ADGRE3: variants seen among roughly 807,000 people sequenced by gnomAD.
ADGRE3 encodes the protein EGF-like module receptor 3.
ADGRE3 carries 88 observed loss-of-function variants against 80.1 expected under a neutral mutation model. The observed-to-expected ratio is 1.10, with a 90% CI of 0.93 to 1.31. ADGRE3 has a LOEUF of 1.31. ADGRE3 is among the 40% of genes most tolerant of loss of function. ADGRE3 has a pLI of 0.00. For missense variants in ADGRE3, 715 were observed against 776.5 expected (o/e 0.92, Z 0.94); for synonymous variants, 281 against 294.8 (o/e 0.95, Z 0.48).
At chr19:14,624,383 T>A (rs1314372946) in intron 15 of ADGRE3, among the ~76,000 whole-genome samples, 1 of 152,162 alleles carries the variant, frequency 6.6e-6, no homozygotes, top group East Asian at 1.9e-4. Flanking sequence ...CGTGAGCCAC[T>A]GTGCCAGGCC....
chr19:14,672,495 G>T (rs11667329), intron 1 of ADGRE3, among the ~76,000 whole-genome samples: 31,320 of 152,202 alleles, frequency 0.21, 3,417 homozygotes, highest in Middle Eastern at 0.37. Flanking sequence ...ATGAGGGACT[G>T]TGTAGAGCAC....
At chr19:14,643,202 G>C (rs1428076830) in intron 9 of ADGRE3, among the ~76,000 whole-genome samples, 1 of 146,308 alleles carries the variant, frequency 6.8e-6, no homozygotes, top group Non-Finnish European at 1.5e-5. Flanking sequence ...ATGGAGTTCA[G>C]TGGTGTGATC....
chr19:14,624,594 C>A (rs1007430487), intron 15 of ADGRE3, among the ~76,000 whole-genome samples: 3 of 151,216 alleles, frequency 2.0e-5, no homozygotes, highest in East Asian at 3.9e-4. Flanking sequence ...ATCTCTCTCT[C>A]TATAAAAAAA....
intron 15 of ADGRE3, among the ~76,000 whole-genome samples, chr19:14,624,087 C>T (rs1970670445): frequency 6.9e-6 from 1 of 144,520 alleles, no homozygotes; most frequent in African/African-American, 2.5e-5. Flanking sequence ...CGCCACCACA[C>T]CTGGCTTCCT....
intron 14 of ADGRE3, among the ~76,000 whole-genome samples, chr19:14,627,016 G>A (rs1189370764): frequency 6.6e-6 from 1 of 152,170 alleles, no homozygotes; most frequent in African/African-American, 2.4e-5. Context: ...GAAGCCAAAG[G>A]GATATGAGAG....
chr19:14,605,276 A>C, the ADGRE3 span, among the ~76,000 whole-genome samples: 1 of 151,644 alleles, frequency 6.6e-6, no homozygotes, highest in Admixed American at 6.6e-5. Flanking sequence ...TTGTATTTTT[A>C]GTAGAGATGG....
intron 9 of ADGRE3, among the ~76,000 whole-genome samples, chr19:14,642,130 G>A (rs539914401): frequency 6.6e-5 from 10 of 152,112 alleles, no homozygotes; most frequent in Non-Finnish European, 1.0e-4. Flanking sequence ...ATGATTGCAC[G>A]ATATGATTGT....
chr19:14,630,033 G>A lies in ADGRE3; in HGVS notation c.1812+6C>T. ...TTAAATAACAAAGAAAGGGGTCAGT[G>A]TTTACCTGCTGGCTGAGGAGGCAGT... On this transcript the variant is annotated splice_donor_region_variant and intron_variant, in intron 14 of 15. Coordinates refer to ENST00000253673, the MANE Select transcript of ADGRE3 (RefSeq NM_032571.5). The A allele has an allele frequency of 2.5e-6, 4 of 1,597,362 alleles. No homozygotes were observed. Among genetic ancestry groups the A allele is most frequent in the Non-Finnish European group, 3.4e-6 (4 of 1,171,280 alleles).
intron 13 of ADGRE3, 81 bp downstream of exon 13, chr19:14,632,840 G>T: frequency 1.1e-6 from 1 of 891,604 alleles, no homozygotes; most frequent in Non-Finnish European, 1.9e-6. Flanking sequence ...GAGCATGGCT[G>T]TTGAATGTAC....
intron 1 of ADGRE3, among the ~76,000 whole-genome samples, chr19:14,669,100 AC>A (rs897564937): frequency 3.3e-5 from 5 of 152,196 alleles, no homozygotes; most frequent in Non-Finnish European, 1.5e-5. Flanking sequence ...TATAAAAAAG[AC>A]ACCTGCACTC....
At chr19:14,620,243 G>C (rs961027472) in intron 15 of ADGRE3, among the ~76,000 whole-genome samples, 2 of 151,434 alleles carry the variant, frequency 1.3e-5, no homozygotes, top group Non-Finnish European at 2.9e-5. Context: ...GTAGAGATGG[G>C]GTCTTATTTT....
the ADGRE3 span, among the ~76,000 whole-genome samples, chr19:14,601,228 AACAG>A: frequency 6.6e-6 from 1 of 152,110 alleles, no homozygotes; most frequent in Admixed American, 6.6e-5. Flanking sequence ...ATGCTGCGGT[AACAG>A]ACAGTCTCCA....
Position 14,662,173 on chromosome 19 carries a change from C to T in ADGRE3, c.200-55G>A, listed in dbSNP as rs1036841566. Reference sequence around the variant, plus strand: ...CATTCAGCAAAGATTTATTGAGCAGCTACTATGTGTCAGGAGTTGTGCTCT... The same window carrying T: ...CATTCAGCAAAGATTTATTGAGCAGTTACTATGTGTCAGGAGTTGTGCTCT... On this transcript the variant is annotated intron_variant, in intron 3 of 15. Coordinates refer to ENST00000253673, the MANE Select transcript of ADGRE3 (RefSeq NM_032571.5). 6 of 1,561,836 alleles carry T rather than the reference C, an allele frequency of 3.8e-6. No homozygotes were observed. In the Middle Eastern group the frequency reaches 5.1e-4, roughly 134 times the overall value.
chr19:14,638,343 G>C lies in ADGRE3; in HGVS notation c.1249-3C>G, dbSNP rs746756808. 1.2e-6 allele frequency: 2 copies of C among 1,611,864 alleles called. No homozygotes were observed. The highest frequency in any genetic ancestry group is 2.2e-5 in the South Asian group (2 of 91,026). On this transcript the variant is annotated splice_polypyrimidine_tract_variant and splice_region_variant and intron_variant, in intron 10 of 15. Transcript: ENST00000253673. ...CCGGCGATGATGGAGCACAGCACCT[G>C]GGGGAGGAGAAAGGGATGCCTGAAG...
chr19:14,617,579 G>T (rs1259784201), downstream of ADGRE3, among the ~76,000 whole-genome samples: 1 of 151,414 alleles, frequency 6.6e-6, no homozygotes, highest in Non-Finnish European at 1.5e-5. Flanking sequence ...TGCATTTTTA[G>T]TAGAGATGGG....
chr19:14,623,412 A>G (rs529894798), intron 15 of ADGRE3, among the ~76,000 whole-genome samples: 62 of 152,230 alleles, frequency 4.1e-4, no homozygotes, highest in Non-Finnish European at 7.5e-4. Flanking sequence ...TTAGATGTCT[A>G]TTCTGTCATT....
intron 1 of ADGRE3, among the ~76,000 whole-genome samples, chr19:14,673,460 T>C (rs1280536983): frequency 6.6e-5 from 10 of 152,080 alleles, no homozygotes; most frequent in Non-Finnish European, 1.3e-4. Context: ...GCCATGGAAT[T>C]AGGAGATTCC....
chr19:14,638,214 T>C lies in ADGRE3; in HGVS notation c.1375A>G (p.Ile459Val). 1 of 1,614,076 alleles carries C rather than the reference T, an allele frequency of 6.2e-7. No individual in the cohort carries two copies. The highest frequency in any genetic ancestry group is 8.5e-7 in the Non-Finnish European group (1 of 1,179,984). Residue 459 changes from isoleucine (I) to valine (V), a missense_variant, in exon 11 of 16, where the codon ATC (isoleucine) becomes GTC (valine). Coordinates refer to ENST00000253673, the MANE Select transcript of ADGRE3 (RefSeq NM_032571.5). ...ATGATCCACTTCATGAGTCTATTGATGCTTGAGTAGTTGACCACTGTCAGG... is the reference window on the plus strand; with the variant it reads ...ATGATCCACTTCATGAGTCTATTGACGCTTGAGTAGTTGACCACTGTCAGG... ...RNLTVVNYSS[I>V]NRLMKWIMFP...
chr19:14,663,009 TTTTA>T (rs1402431715), intron 3 of ADGRE3, among the ~76,000 whole-genome samples: 1 of 151,922 alleles, frequency 6.6e-6, no homozygotes, highest in Non-Finnish European at 1.5e-5. Context: ...CAGTGAGTGT[TTTTA>T]TTTATTTTGA....
Sources: gnomAD v4.1 joint callset for allele counts (sites outside exome capture counted in the v4.1 genomes callset) on GRCh38, gnomAD v4.1.1 for gene constraint, MANE v1.5 for transcripts, NCBI Gene and HGNC (gene_info 2026-07-23, HGNC 2026-07-21) for gene names.